Variants in XYLB observed in about 807,000 individuals in gnomAD.
The protein encoded by XYLB is xylulose kinase.
XYLB carries 62 observed loss-of-function variants against 78.7 expected under a neutral mutation model. The ratio of observed to expected loss-of-function variants is 0.79; its 90% CI spans 0.64 to 0.97. The LOEUF is 0.97. Ranked by LOEUF, XYLB falls within the 50% of genes least tolerant of loss-of-function variation. XYLB has a pLI of 0.00. For missense variants in XYLB, 687 were observed against 676.8 expected (o/e 1.02, Z -0.17); for synonymous variants, 245 against 247.4 (o/e 0.99, Z 0.09).
chr3:38,361,685 G>A (rs1415920069), intron 3 of XYLB, among the ~76,000 whole-genome samples: 1 of 152,122 alleles, frequency 6.6e-6, no homozygotes, highest in African/African-American at 2.4e-5. Context: ...AGGCTTGGGG[G>A]CAGGGCCAAG....
the XYLB span, among the ~76,000 whole-genome samples, chr3:38,449,558 T>A: frequency 1.3e-5 from 2 of 152,228 alleles, 1 homozygote; most frequent in Non-Finnish European, 2.9e-5. Context: ...ACACCCAGCT[T>A]ACTCTGTGTT....
intron 8 of XYLB, 36 bp from the exon 9 acceptor site, chr3:38,370,020 C>T: frequency 6.3e-7 from 1 of 1,582,226 alleles, no homozygotes; most frequent in African/African-American, 1.3e-5. Flanking sequence ...GGTCCATTTT[C>T]AAGATTGTCT....
chr3:38,368,135 C>CG, intron 7 of XYLB, 50 bp from the exon 8 acceptor site: 1 of 1,558,632 alleles, frequency 6.4e-7, no homozygotes. Context: ...CATTCAGTAG[C>CG]GTAGGGTATG....
the XYLB span, among the ~76,000 whole-genome samples, chr3:38,429,376 A>T: frequency 6.6e-6 from 1 of 152,194 alleles, no homozygotes; most frequent in South Asian, 2.1e-4. Context: ...TGGTTGCTGT[A>T]GGCATTGCCA....
rs1706138662 is a variant in XYLB, at chr3:38,364,430, A to G, written c.292-769A>G. On this transcript the variant is annotated intron_variant, in intron 4 of 18. Transcript: ENST00000207870. ...TGCACGCTGCTCCCCCTGGTAATCC[A>G]GGGTTCCTACCACCTCCAAGATAAA... Among the ~76,000 whole-genome samples, 3 of 151,818 alleles carry G rather than the reference A, an allele frequency of 2.0e-5. No individual in the cohort carries two copies. The South Asian group carries it at 6.2e-4, about 32-fold the overall frequency.
the XYLB span, among the ~76,000 whole-genome samples, chr3:38,440,861 T>G: frequency 1.3e-5 from 2 of 152,282 alleles, no homozygotes; most frequent in East Asian, 3.9e-4. Context: ...TTTCTGTCTT[T>G]GTCTCTTCCT....
rs754607364 is a variant in XYLB at position 38,412,986 on chromosome 3, G to A, written c.1584G>A (p.Leu528=). Residue 528 remains leucine (L), a synonymous_variant, in exon 19 of 19, where the codon TTG becomes TTA. Transcript: ENST00000207870. ...PQYAKLEQRI[L]SQTRGPPE ...ATGCCAAACTCGAGCAGAGAATCTT[G>A]TCTCAGACCCGGGGGCCTCCGGAGT... 9.4e-6 allele frequency: 15 copies of A among 1,603,066 alleles called. No homozygotes were observed. In the African/African-American group the frequency reaches 1.6e-4, roughly 17 times the overall value.
At chr3:38,399,000 G>A (rs975067561) in intron 17 of XYLB, among the ~76,000 whole-genome samples, 7 of 151,840 alleles carry the variant, frequency 4.6e-5, no homozygotes, top group African/African-American at 7.3e-5. Context: ...AGCCGAGATC[G>A]CACCACTGCA....
chr3:38,351,907 A>T (rs78362373), intron 2 of XYLB, among the ~76,000 whole-genome samples: 10,378 of 152,280 alleles, frequency 0.068, 421 homozygotes, highest in Middle Eastern at 0.12. Flanking sequence ...GATGGACTAC[A>T]ATTGGTTTCA....
At chr3:38,369,372 G>A (rs537442876) in intron 8 of XYLB, among the ~76,000 whole-genome samples, 1 of 152,210 alleles carries the variant, frequency 6.6e-6, no homozygotes, top group African/African-American at 2.4e-5. Flanking sequence ...CAGCTGTTCC[G>A]GGGGGCATTC....
chr3:38,428,488 C>T, the XYLB span, among the ~76,000 whole-genome samples: 9 of 152,050 alleles, frequency 5.9e-5, no homozygotes, highest in Admixed American at 5.2e-4. Flanking sequence ...TCTTCATATA[C>T]TTTGAGGTTC....
At chr3:38,398,456 A>G (rs1176948814) in intron 17 of XYLB, among the ~76,000 whole-genome samples, 1 of 151,676 alleles carries the variant, frequency 6.6e-6, no homozygotes, top group African/African-American at 2.4e-5. Context: ...TGACAAAGTG[A>G]GATTCCATCT....
At chr3:38,415,978 T>G (rs1359984910), downstream of XYLB, among the ~76,000 whole-genome samples, 1 of 152,080 alleles carries the variant, frequency 6.6e-6, no homozygotes, top group Non-Finnish European at 1.5e-5. Flanking sequence ...CAGGGAAAAC[T>G]GTCTTATAAA....
chr3:38,378,953 A>G (rs752865504), intron 14 of XYLB, among the ~76,000 whole-genome samples: 14 of 151,750 alleles, frequency 9.2e-5, no homozygotes, highest in Non-Finnish European at 1.8e-4. Flanking sequence ...AACTTATTGA[A>G]GATTGCAGAG....
chr3:38,347,858 A>G (rs1267574783), intron 1 of XYLB, among the ~76,000 whole-genome samples: 1 of 152,210 alleles, frequency 6.6e-6, no homozygotes, highest in Non-Finnish European at 1.5e-5. Context: ...CAAAGAGGGC[A>G]TGGGGTGACC....
At chr3:38,365,833 G>A in intron 6 of XYLB, 97 bp downstream of exon 6, 2 of 1,456,012 alleles carry the variant, frequency 1.4e-6, no homozygotes, top group African/African-American at 1.4e-5. Context: ...ATGAGGTCAT[G>A]GAGGTGTTGT....
intron 15 of XYLB, among the ~76,000 whole-genome samples, chr3:38,385,544 A>G (rs1490271825): frequency 6.6e-6 from 1 of 152,158 alleles, no homozygotes; most frequent in Non-Finnish European, 1.5e-5. Flanking sequence ...CTTCTAATTT[A>G]TGCATTTCAG....
chr3:38,450,116 G>A, the XYLB span, among the ~76,000 whole-genome samples: 2 of 152,136 alleles, frequency 1.3e-5, no homozygotes. Flanking sequence ...TATACACTGT[G>A]AATGGTACTC....
At chr3:38,421,933 T>C (rs1428732534), downstream of XYLB, among the ~76,000 whole-genome samples, 1 of 152,192 alleles carries the variant, frequency 6.6e-6, no homozygotes, top group Non-Finnish European at 1.5e-5. Flanking sequence ...GTCAGTTCTA[T>C]TCAGGCAGGA....
Sources: allele counts gnomAD v4.1 joint callset (sites outside exome capture counted in the v4.1 genomes callset), GRCh38; gene constraint gnomAD v4.1.1; transcripts MANE v1.5; gene names NCBI Gene and HGNC (gene_info 2026-07-23, HGNC 2026-07-21).